HHAT: variants seen among roughly 807,000 people sequenced by gnomAD.
The protein encoded by HHAT is hedgehog acyltransferase.
A neutral mutation model predicts 70.8 loss-of-function variants in HHAT; 47 were observed. That is an observed-to-expected ratio of 0.66 (90% CI 0.53 to 0.85). The LOEUF is 0.85. Ranked by LOEUF, HHAT falls within the 40% of genes least tolerant of loss-of-function variation. The pLI, the probability that HHAT is intolerant of heterozygous loss-of-function variation, is 0.00. For synonymous variants in HHAT, 228 were observed against 247.6 expected (o/e 0.92, Z 0.74); for missense variants, 609 against 604.8 (o/e 1.01, Z -0.07).
rs150704504 is a variant in HHAT at position 210,428,886 on chromosome 1, G to A, written c.856+10561G>A. ...AGCTACTCAGGAGGCTGAGATGGGT[G>A]AATCACTTGAGCCCAGGAGGTCAAG... is the stretch of plus-strand genomic sequence containing the variant. On this transcript the variant is annotated intron_variant, in intron 7 of 11. Coordinates refer to ENST00000261458, the MANE Select transcript of HHAT (RefSeq NM_018194.6). Among the ~76,000 whole-genome samples, 37 of 151,820 alleles carry A rather than the reference G, an allele frequency of 2.4e-4. 2 individuals carry two copies. Among genetic ancestry groups the A allele is most frequent in the African/African-American group, 9.0e-4 (37 of 41,130 alleles).
At chr1:210,344,905 TCATGCCGG>T (rs1558318442) in intron 1 of HHAT, among the ~76,000 whole-genome samples, 3 of 12,026 alleles carry the variant, frequency 2.5e-4, no homozygotes, top group Non-Finnish European at 3.8e-4. Context: ...TCGGAACAAG[TCATGCCGG>T]CATCGGAACA....
chr1:210,592,948 T>A (rs1344825683), intron 10 of HHAT, among the ~76,000 whole-genome samples: 1 of 151,898 alleles, frequency 6.6e-6, no homozygotes, highest in Admixed American at 6.6e-5. Flanking sequence ...GTTACATATG[T>A]ATACATGTGC....
chr1:210,490,130 T>G (rs1048840351), intron 8 of HHAT, among the ~76,000 whole-genome samples: 7 of 152,332 alleles, frequency 4.6e-5, no homozygotes, highest in African/African-American at 1.7e-4. Flanking sequence ...TTAGCCCAAG[T>G]TTGGCATCTG....
chr1:210,630,611 C>A (rs534983932), intron 11 of HHAT, among the ~76,000 whole-genome samples: 1 of 152,350 alleles, frequency 6.6e-6, no homozygotes, highest in Admixed American at 6.5e-5. Flanking sequence ...TAACAGCCCC[C>A]TGCTTTTCCT....
At chr1:210,362,794 C>A in intron 2 of HHAT, 58 bp from the exon 3 acceptor site, 1 of 1,427,344 alleles carries the variant, frequency 7.0e-7, no homozygotes, top group Non-Finnish European at 9.9e-7. Context: ...TTCAGCTCTT[C>A]AGCCAGCCCA....
chr1:210,633,614 A>T (rs1460935870), intron 11 of HHAT, among the ~76,000 whole-genome samples: 1 of 152,022 alleles, frequency 6.6e-6, no homozygotes, highest in Non-Finnish European at 1.5e-5. Flanking sequence ...GCCTGACTTC[A>T]TATTTATCTT....
At chr1:210,374,129 T>C (rs528058852) in intron 3 of HHAT, 7 of 152,320 alleles carry the variant, frequency 4.6e-5, no homozygotes, top group East Asian at 3.9e-4. Flanking sequence ...TTTTCCTCTT[T>C]AAGTCTTTTT....
chr1:210,666,552 C>T (rs1026183548), intron 11 of HHAT, among the ~76,000 whole-genome samples: 7 of 152,098 alleles, frequency 4.6e-5, no homozygotes, highest in East Asian at 1.9e-4. Flanking sequence ...GGCACAATTT[C>T]GGCTTGCTGT....
intron 2 of HHAT, among the ~76,000 whole-genome samples, chr1:210,359,551 AG>A (rs2088019276): frequency 6.6e-6 from 1 of 152,132 alleles, no homozygotes; most frequent in Non-Finnish European, 1.5e-5. Context: ...ACAGCAGGAC[AG>A]CTTTGACTCC....
chr1:210,561,264 T>C (rs2095620593), intron 9 of HHAT, among the ~76,000 whole-genome samples: 1 of 152,196 alleles, frequency 6.6e-6, no homozygotes, highest in Admixed American at 6.5e-5. Context: ...GTCTGAGAAC[T>C]TTTGAAAATA....
intron 8 of HHAT, among the ~76,000 whole-genome samples, chr1:210,478,669 C>T (rs554277034): frequency 3.3e-5 from 5 of 152,228 alleles, no homozygotes; most frequent in Admixed American, 6.5e-5. Context: ...AGGGACTCTT[C>T]GGCCCTTTTC....
intron 7 of HHAT, among the ~76,000 whole-genome samples, chr1:210,459,899 A>G (rs1484319568): frequency 6.6e-6 from 1 of 152,128 alleles, no homozygotes; most frequent in Non-Finnish European, 1.5e-5. Context: ...GATCTCTCCT[A>G]TAGTTGCAGT....
At chr1:210,465,810 G>A (rs952369721) in intron 8 of HHAT, among the ~76,000 whole-genome samples, 1 of 152,170 alleles carries the variant, frequency 6.6e-6, no homozygotes, top group Admixed American at 6.5e-5. Context: ...TTTTATTTTT[G>A]GTCTAGTTTG....
At chr1:210,407,363 TAAA>T (rs1282204442) in intron 6 of HHAT, among the ~76,000 whole-genome samples, 5 of 152,138 alleles carry the variant, frequency 3.3e-5, no homozygotes, top group Non-Finnish European at 7.4e-5. Flanking sequence ...GGTCAATGCA[TAAA>T]AATAACGTAG....
rs1341819661 is a variant in HHAT at position 210,349,094 on chromosome 1, T to C, written c.91+28T>C. The C allele has an allele frequency of 1.9e-6, 3 of 1,605,816 alleles. No individual in the cohort carries two copies. The Admixed American group carries it at 5.2e-5, about 28-fold the overall frequency. ...AAGGCCCCAAGCTTTTCAGACCTCC[T>C]ATCAAACAAGGAAACTCCTGTCAAA... On this transcript the variant is annotated intron_variant, in intron 2 of 11. Coordinates refer to ENST00000261458, the MANE Select transcript of HHAT (RefSeq NM_018194.6).
intron 11 of HHAT, among the ~76,000 whole-genome samples, chr1:210,672,938 C>A (rs1680380447): frequency 6.6e-6 from 1 of 152,098 alleles, no homozygotes; most frequent in Non-Finnish European, 1.5e-5. Flanking sequence ...GACTCATGGA[C>A]TTTAAGAAAA....
chr1:210,487,062 C>A (rs1400414931), intron 8 of HHAT, among the ~76,000 whole-genome samples: 1 of 152,154 alleles, frequency 6.6e-6, no homozygotes, highest in Non-Finnish European at 1.5e-5. Context: ...AGATTTCACT[C>A]CTAAGATGTC....
At chr1:210,445,814 C>T (rs1558530549) in intron 7 of HHAT, among the ~76,000 whole-genome samples, 1 of 152,022 alleles carries the variant, frequency 6.6e-6, no homozygotes, top group Admixed American at 6.6e-5. Flanking sequence ...TCTGGATTCT[C>T]CTTCCCTGCT....
chr1:210,491,715 C>T (rs1326064906), intron 8 of HHAT, among the ~76,000 whole-genome samples: 2 of 152,116 alleles, frequency 1.3e-5, no homozygotes. Flanking sequence ...AGAGCTCTTC[C>T]CTACCGGCAT....
Sources: gnomAD v4.1 joint callset for allele counts (sites outside exome capture counted in the v4.1 genomes callset) on GRCh38, gnomAD v4.1.1 for gene constraint, MANE v1.5 for transcripts, NCBI Gene and HGNC (gene_info 2026-07-23, HGNC 2026-07-21) for gene names.